Variants in ZNF414 observed in about 807,000 individuals in gnomAD.
ZNF414 encodes zinc finger protein 414.
In ZNF414, 32 loss-of-function variants were observed where a neutral mutation model predicts 38.3. That is an observed-to-expected ratio of 0.83 (90% confidence interval 0.63 to 1.12). The LOEUF is 1.12. ZNF414 is among the 50% of genes most tolerant of loss of function. The probability of loss-of-function intolerance (pLI) is 0.00; values close to 1 mark genes in which losing one functional copy is unlikely to be tolerated. For synonymous variants in ZNF414, 256 were observed against 248.0 expected (o/e 1.03, Z -0.30); for missense variants, 589 against 557.4 (o/e 1.06, Z -0.57).
At chr19:8,513,450 G>T in intron 1 of ZNF414, 109 bp from the exon 2 acceptor site, 1 of 1,065,092 alleles carries the variant, frequency 9.4e-7, no homozygotes, top group Non-Finnish European at 1.3e-6. Context: ...ACGTAAGGGT[G>T]GACTAAGCTC....
Position 8,513,357 on chromosome 19 carries a change from G to C in ZNF414, c.4-16C>G. The C allele has an allele frequency of 6.4e-7, 1 of 1,562,196 alleles. No individual in the cohort carries two copies. Among genetic ancestry groups the C allele is most frequent in the Non-Finnish European group, 8.6e-7 (1 of 1,162,404 alleles). ...GTTTCTCCTCCTGGTGGAAGGAAGAGGCGGAGAGAACCCTTCTGGGCTCTG... is the reference window on the plus strand; with the variant it reads ...GTTTCTCCTCCTGGTGGAAGGAAGACGCGGAGAGAACCCTTCTGGGCTCTG... On this transcript the variant is annotated splice_polypyrimidine_tract_variant and intron_variant, in intron 1 of 7. Coordinates refer to ENST00000393927, the MANE Select transcript of ZNF414 (RefSeq NM_001146175.2).
chr19:8,510,632 G>GC lies in ZNF414; in HGVS notation c.*58dup, dbSNP rs2145805534. Reference sequence around the variant, plus strand: ...TCCACCCCAGCCCCCCTTCCCTGCAGCCCCCTCCAAATGACAAAACTACCC... The same window carrying GC: ...TCCACCCCAGCCCCCCTTCCCTGCAGCCCCCCTCCAAATGACAAAACTACCC... On this transcript the variant is annotated 3_prime_UTR_variant, in exon 8 of 8. Transcript: ENST00000393927. 6.8e-7 allele frequency: 1 copy of GC among 1,465,658 alleles called. No homozygotes were observed. Among genetic ancestry groups the GC allele is most frequent in the Non-Finnish European group, 9.2e-7 (1 of 1,088,280 alleles). The allele number at this position is 1,465,658 out of a possible 1,614,324, so 90.8% of individuals were successfully genotyped here. A position where few individuals can be genotyped will look rare whatever the true frequency, so the allele number is the denominator to read the frequency against.
rs766736421 is a variant in ZNF414, at chr19:8,512,481, G to A, written c.436C>T (p.Arg146Cys). 1.3e-5 allele frequency: 21 copies of A among 1,613,908 alleles called. No homozygotes were observed. Among genetic ancestry groups the A allele is most frequent in the South Asian group, 3.3e-5 (3 of 91,078 alleles). Residue 146 changes from arginine (R) to cysteine (C), a missense_variant, in exon 4 of 8, where the codon CGC becomes TGC. Physicochemically the swap from Arg to Cys is radical, Grantham distance 180 (BLOSUM62 -3). Coordinates refer to ENST00000393927, the MANE Select transcript of ZNF414 (RefSeq NM_001146175.2). ...PTQSLEGKLFRCSALSCTETF... is the reference protein window; with the variant it reads ...PTQSLEGKLFCCSALSCTETF... ...TCGGTGCAGCTCAGGGCTGAGCAGCGGAAGAGCTTGCCTGGTAGGGATGAA... is the reference window on the plus strand; with the variant it reads ...TCGGTGCAGCTCAGGGCTGAGCAGCAGAAGAGCTTGCCTGGTAGGGATGAA...
rs772627384 is a variant in ZNF414, at chr19:8,513,095, C to T, written c.250G>A (p.Gly84Ser). The change falls in exon 2 of 8, where the codon GGC (glycine) becomes AGC (serine). Residue 84 changes from glycine (G) to serine (S), a missense_variant. Gly to Ser is a moderately conservative substitution (Grantham distance 56). Coordinates refer to ENST00000393927, the MANE Select transcript of ZNF414 (RefSeq NM_001146175.2). ...SCQPGPGPSP[G>S]LTSIVSGTSE... ...GTCCCGGAGACTATGCTGGTCAGGCCAGGGCTGGGTCCGGGGCCAGGCTGG... is the reference window on the plus strand; with the variant it reads ...GTCCCGGAGACTATGCTGGTCAGGCTAGGGCTGGGTCCGGGGCCAGGCTGG... 2.6e-6 allele frequency: 4 copies of T among 1,531,542 alleles called. No homozygotes were observed. Among genetic ancestry groups the T allele is most frequent in the Admixed American group, 2.2e-5 (1 of 46,194 alleles). 94.9% of individuals were successfully genotyped at this position (1,531,542 alleles called of 1,614,324 possible).
chr19:8,514,012 C>T, intron 1 of ZNF414, 32 bp downstream of exon 1: 1 of 1,443,492 alleles, frequency 6.9e-7, no homozygotes, highest in Non-Finnish European at 9.1e-7. Context: ...CCCGCAGCTC[C>T]GCCGCGCCCG....
chr19:8,510,287 C>A lies in ZNF414; in HGVS notation c.*404G>T, dbSNP rs199926023. On this transcript the variant is annotated 3_prime_UTR_variant, in exon 8 of 8. Coordinates refer to ENST00000393927, the MANE Select transcript of ZNF414 (RefSeq NM_001146175.2). ...CCTGGGAGACAGAGCAAGACTGTCT[C>A]AAAAAAGAAAAAAAAAAAAAGAAAA... 267 of 25,338 alleles carry A rather than the reference C, an allele frequency of 0.011. 6 individuals are homozygous for A. Among genetic ancestry groups the A allele is most frequent in the Middle Eastern group, 0.038 (1 of 26 alleles). The allele number at this position is 25,338 out of a possible 1,614,324, so 1.6% of individuals were successfully genotyped here.
At position 8,510,867 on chromosome 19, in the gene ZNF414, GCGCGGCGGCCCGGC is replaced by G. The variant is rs1382502258; in HGVS notation, c.1069_1082del (p.Ala357ProfsTer65). 2 of 1,126,580 alleles carry G rather than the reference GCGCGGCGGCCCGGC, an allele frequency of 1.8e-6. No homozygotes were observed. Among genetic ancestry groups the G allele is most frequent in the Non-Finnish European group, 2.2e-6 (2 of 911,932 alleles). 69.8% of individuals were successfully genotyped at this position (1,126,580 alleles called of 1,614,324 possible). A position where few individuals can be genotyped will look rare whatever the true frequency, so the allele number is the denominator to read the frequency against. ...CGGCCTTACCCGCGGGGGCGTCGGG[GCGCGGCGGCCCGGC>G]CGCGGGGGCCGCGGGGGCGCCGGGG... On this transcript the variant is annotated frameshift_variant, in exon 7 of 8. Coordinates refer to ENST00000393927, the MANE Select transcript of ZNF414 (RefSeq NM_001146175.2). LOFTEE classifies it low-confidence loss of function (END_TRUNC).
chr19:8,513,489 C>T (rs1264217447), intron 1 of ZNF414, 148 bp from the exon 2 acceptor site: 4 of 753,366 alleles, frequency 5.3e-6, no homozygotes, highest in Admixed American at 3.4e-5. Flanking sequence ...GATGGGGTCT[C>T]GCCATGTTGC....
At chr19:8,512,846 G>C in intron 2 of ZNF414, 135 bp from the exon 3 acceptor site, 2 of 1,171,700 alleles carry the variant, frequency 1.7e-6, no homozygotes, top group Non-Finnish European at 2.3e-6. Context: ...AGACTGGTCT[G>C]CCACAGTGCA....
In ZNF414 at chr19:8,510,526, GCT is replaced by G; in HGVS notation, c.*163_*164del. On this transcript the variant is annotated 3_prime_UTR_variant, in exon 8 of 8. Coordinates refer to ENST00000393927, the MANE Select transcript of ZNF414 (RefSeq NM_001146175.2). ...CCCAAGATGTGATCAATCCATGACT[GCT>G]GGGCTCGAGCCCACTATGCTTTGGA... 1.3e-6 allele frequency: 1 copy of G among 752,756 alleles called. No homozygotes were observed. The highest frequency in any genetic ancestry group is 2.0e-6 in the Non-Finnish European group (1 of 493,480). 46.6% of individuals were successfully genotyped at this position (752,756 alleles called of 1,614,324 possible).
Position 8,511,921 on chromosome 19 carries a change from C to G in ZNF414, c.570G>C (p.Ser190=). Residue 190 remains serine, a synonymous_variant, in exon 5 of 8, where the codon TCG becomes TCC. Coordinates refer to ENST00000393927, the MANE Select transcript of ZNF414 (RefSeq NM_001146175.2). The stretch of plus-strand genomic sequence containing the variant: ...CGCAAACATGCAGGTGCTTGAAGAG[C>G]GAGCGGTGCGTGCGGAAGCGCAGGA... ...NCLLRFRTHR[S]LFKHLHVCAE... 1.4e-6 allele frequency: 2 copies of G among 1,414,190 alleles called. No homozygotes were observed. Among genetic ancestry groups the G allele is most frequent in the Non-Finnish European group, 1.8e-6 (2 of 1,091,810 alleles). 87.6% of individuals were successfully genotyped at this position (1,414,190 alleles called of 1,614,324 possible). A position where few individuals can be genotyped will look rare whatever the true frequency, so the allele number is the denominator to read the frequency against.
chr19:8,511,858 C>T lies in ZNF414; in HGVS notation c.633G>A (p.Pro211=). 1 of 1,399,150 alleles carries T rather than the reference C, an allele frequency of 7.1e-7. No individual in the cohort carries two copies. The highest frequency in any genetic ancestry group is 1.7e-5 in the South Asian group (1 of 59,096). The allele number at this position is 1,399,150 out of a possible 1,614,324, so 86.7% of individuals were successfully genotyped here. ...HAQSPAPPPP[P]ALDREPPAPE... is the part of the protein sequence containing the mutation. ...GCGCGGGCGGCTCTCGGTCCAGGGC[C>T]GGGGGTGGCGGCGGGGCTGGGCTCT... Residue 211 remains proline, a synonymous_variant, in exon 5 of 8, where the codon CCG becomes CCA. Transcript: ENST00000393927.
At chr19:8,511,045 G>A (rs1971906105) in intron 6 of ZNF414, 21 bp from the exon 7 acceptor site, 5 of 1,279,530 alleles carry the variant, frequency 3.9e-6, no homozygotes, top group African/African-American at 3.1e-5. Context: ...GCGGGACCCC[G>A]TCAGTCCCGG....
chr19:8,511,547 G>C lies in ZNF414; in HGVS notation c.875-11C>G. 1.9e-6 allele frequency: 3 copies of C among 1,593,186 alleles called. No individual in the cohort carries two copies. Among genetic ancestry groups the C allele is most frequent in the Non-Finnish European group, 1.7e-6 (2 of 1,169,942 alleles). The stretch of plus-strand genomic sequence containing the variant: ...GGCTGCTGCCAGCACCTGCGGTAAA[G>C]GGGCGGGTCAAGTTCAGAGTCAGGG... On this transcript the variant is annotated splice_polypyrimidine_tract_variant and intron_variant, in intron 5 of 7. Coordinates refer to ENST00000393927, the MANE Select transcript of ZNF414 (RefSeq NM_001146175.2).
In ZNF414 at chr19:8,510,684, G is replaced by A. The variant is rs953254359; in HGVS notation, c.*7C>T. On this transcript the variant is annotated 3_prime_UTR_variant, in exon 8 of 8. Transcript: ENST00000393927. ...CATCCCATGGCCCACCCCCAAAGCG[G>A]CGGGATTCAGAGCTGCGAGAACACT... 11 of 1,540,584 alleles carry A rather than the reference G, an allele frequency of 7.1e-6. No individual in the cohort carries two copies. The East Asian group carries it at 2.7e-4, about 38-fold the overall frequency.
In ZNF414 at chr19:8,510,775, C is replaced by T; in HGVS notation, c.1100-11G>A. 6.5e-7 allele frequency: 1 copy of T among 1,542,180 alleles called. No individual in the cohort carries two copies. The highest frequency in any genetic ancestry group is 8.8e-7 in the Non-Finnish European group (1 of 1,141,756). On this transcript the variant is annotated splice_polypyrimidine_tract_variant and intron_variant, in intron 7 of 7. Transcript: ENST00000393927. ...CAAGCGGGGCCGGATCTGGGTGGGGCAGAGGAGGGGGGCGCCTGAGCCTCA... is the reference window on the plus strand; with the variant it reads ...CAAGCGGGGCCGGATCTGGGTGGGGTAGAGGAGGGGGGCGCCTGAGCCTCA...
chr19:8,511,450 C>T (rs1225702577), intron 6 of ZNF414, 36 bp downstream of exon 6: 1 of 1,605,722 alleles, frequency 6.2e-7, no homozygotes, highest in Admixed American at 1.7e-5. Context: ...GGAAAGAAAG[C>T]CCCTCCACCC....
intron 2 of ZNF414, 78 bp from the exon 3 acceptor site, chr19:8,512,789 G>T: frequency 7.4e-7 from 1 of 1,344,536 alleles, no homozygotes; most frequent in South Asian, 1.5e-5. Flanking sequence ...CTGCCCCAGA[G>T]AAGCAAATAT....
At position 8,511,927 on chromosome 19, in the gene ZNF414, G is replaced by A; in HGVS notation, c.564C>T (p.His188=). ...CENCLLRFRT[H]RSLFKHLHVC... ...CATGCAGGTGCTTGAAGAGCGAGCG[G>A]TGCGTGCGGAAGCGCAGGAGGCAGT... The change falls in exon 5 of 8, where the codon CAC becomes CAT. Residue 188 remains histidine (H), a synonymous_variant. Transcript: ENST00000393927. 2.8e-6 allele frequency: 4 copies of A among 1,420,580 alleles called. No individual in the cohort carries two copies. The highest frequency in any genetic ancestry group is 3.6e-6 in the Non-Finnish European group (4 of 1,095,894). The allele number at this position is 1,420,580 out of a possible 1,614,324, so 88.0% of individuals were successfully genotyped here. A position where few individuals can be genotyped will look rare whatever the true frequency, so the allele number is the denominator to read the frequency against.
Sources: gnomAD v4.1 joint callset for allele counts on GRCh38, gnomAD v4.1.1 for gene constraint, MANE v1.5 for transcripts, NCBI Gene and HGNC (gene_info 2026-07-23, HGNC 2026-07-21) for gene names.